Variants in GPATCH2 observed in about 807,000 individuals in gnomAD.
GPATCH2 encodes the protein G patch domain-containing protein 2.
In GPATCH2, 51 loss-of-function variants were observed where a neutral mutation model predicts 58.0. That is an observed-to-expected ratio of 0.88 (90% CI 0.70 to 1.11). The LOEUF is 1.11. GPATCH2 is among the 50% of genes most tolerant of loss of function. The pLI, the probability that GPATCH2 is intolerant of heterozygous loss-of-function variation, is 0.00. For missense variants in GPATCH2, 625 were observed against 652.2 expected (o/e 0.96, Z 0.45); for synonymous variants, 222 against 218.5 (o/e 1.02, Z -0.14).
intron 8 of GPATCH2, among the ~76,000 whole-genome samples, chr1:217,477,328 T>C (rs1444149331): frequency 1.3e-5 from 2 of 152,186 alleles, no homozygotes; most frequent in South Asian, 2.1e-4. Context: ...CTCTGTCTGC[T>C]TGAGAAAAGC....
intron 5 of GPATCH2, among the ~76,000 whole-genome samples, chr1:217,577,082 T>A (rs941429879): frequency 6.6e-6 from 1 of 152,142 alleles, no homozygotes; most frequent in Non-Finnish European, 1.5e-5. Flanking sequence ...CACATAAGAG[T>A]GCTATTTTAT....
At chr1:217,511,080 G>A (rs1022068509) in intron 6 of GPATCH2, among the ~76,000 whole-genome samples, 1 of 152,124 alleles carries the variant, frequency 6.6e-6, no homozygotes, top group Non-Finnish European at 1.5e-5. Context: ...CTGGGTGACA[G>A]AGTGAGAATC....
At chr1:217,606,839 CTAA>C (rs752666198) in intron 5 of GPATCH2, among the ~76,000 whole-genome samples, 1 of 152,120 alleles carries the variant, frequency 6.6e-6, no homozygotes, top group Non-Finnish European at 1.5e-5. Context: ...TTTAATATAT[CTAA>C]TAATAGTAAC....
At position 217,537,866 on chromosome 1, in the gene GPATCH2, CTTAT is replaced by C. The variant is rs550543801; in HGVS notation, c.1099-22981_1099-22978del. Among the ~76,000 whole-genome samples the C allele has an allele frequency of 1.1e-3, 163 of 152,196 alleles. 1 individual carries two copies. Among genetic ancestry groups the C allele is most frequent in the African/African-American group, 3.3e-3 (138 of 41,524 alleles). Reference sequence around the variant, plus strand: ...TTTTTTAATATTAAAAATTACAAAACTTATTTAAAGACAATAAGCAGATTATAAT... The same window carrying C: ...TTTTTTAATATTAAAAATTACAAAACTTAAAGACAATAAGCAGATTATAAT... On this transcript the variant is annotated intron_variant, in intron 5 of 9. Transcript: ENST00000366935.
chr1:217,556,038 T>C (rs1233511435), intron 5 of GPATCH2, among the ~76,000 whole-genome samples: 3 of 152,358 alleles, frequency 2.0e-5, no homozygotes, highest in South Asian at 2.1e-4. Flanking sequence ...GTTTGAGATA[T>C]GTAATGAATG....
chr1:217,541,952 GT>G (rs914175241), intron 5 of GPATCH2, among the ~76,000 whole-genome samples: 6 of 151,996 alleles, frequency 3.9e-5, no homozygotes, highest in African/African-American at 1.4e-4. Flanking sequence ...TTGAAGTAGA[GT>G]TTTTTTTATA....
At chr1:217,453,291 T>C (rs982562130) in intron 8 of GPATCH2, among the ~76,000 whole-genome samples, 1 of 152,146 alleles carries the variant, frequency 6.6e-6, no homozygotes, top group Non-Finnish European at 1.5e-5. Flanking sequence ...GATCCTTTTG[T>C]AAGGTGTATC....
chr1:217,544,290 A>G (rs1380499967), intron 5 of GPATCH2, among the ~76,000 whole-genome samples: 1 of 152,166 alleles, frequency 6.6e-6, no homozygotes, highest in Non-Finnish European at 1.5e-5. Context: ...GCTGTTGGGG[A>G]GGCTGAGGCA....
At chr1:217,511,374 G>A (rs113578831) in intron 6 of GPATCH2, among the ~76,000 whole-genome samples, 30 of 152,212 alleles carry the variant, frequency 2.0e-4, no homozygotes, top group African/African-American at 6.7e-4. Flanking sequence ...ATAATTTTCA[G>A]GAAAGACATC....
intron 5 of GPATCH2, among the ~76,000 whole-genome samples, chr1:217,591,165 T>C (rs536735580): frequency 2.0e-4 from 31 of 152,240 alleles, no homozygotes; most frequent in African/African-American, 6.7e-4. Flanking sequence ...ATAGCTAGGC[T>C]ATGTCAACAG....
At chr1:217,496,212 A>G (rs1308762669) in intron 7 of GPATCH2, among the ~76,000 whole-genome samples, 2 of 152,188 alleles carry the variant, frequency 1.3e-5, no homozygotes, top group Admixed American at 6.5e-5. Context: ...ATTCATTGTC[A>G]TTATTCAGAT....
At chr1:217,535,079 T>G (rs1023815735) in intron 5 of GPATCH2, among the ~76,000 whole-genome samples, 2 of 152,222 alleles carry the variant, frequency 1.3e-5, no homozygotes, top group Non-Finnish European at 2.9e-5. Flanking sequence ...GACCCAATAA[T>G]GCTAGTTCTT....
chr1:217,610,123 A>G (rs934342909), intron 5 of GPATCH2, 198 bp downstream of exon 5: 46 of 1,547,730 alleles, frequency 3.0e-5, no homozygotes, highest in Non-Finnish European at 3.5e-5. Context: ...CCAGATGTTC[A>G]AAACGTAACT....
intron 5 of GPATCH2, among the ~76,000 whole-genome samples, chr1:217,557,567 T>G (rs138206663): frequency 8.7e-4 from 133 of 152,356 alleles, no homozygotes; most frequent in African/African-American, 3.1e-3. Flanking sequence ...AGCACATTTC[T>G]GTATTAAACC....
chr1:217,520,223 C>T (rs546370633), intron 5 of GPATCH2, among the ~76,000 whole-genome samples: 1 of 152,084 alleles, frequency 6.6e-6, no homozygotes, highest in South Asian at 2.1e-4. Flanking sequence ...ACTACAAATC[C>T]TTACCTACCA....
intron 8 of GPATCH2, among the ~76,000 whole-genome samples, chr1:217,485,825 T>G (rs530554940): frequency 1.3e-5 from 2 of 152,198 alleles, no homozygotes; most frequent in Admixed American, 1.3e-4. Flanking sequence ...AAAGGTACAG[T>G]AAAAATATGG....
chr1:217,473,003 A>G (rs1182854222), intron 8 of GPATCH2, among the ~76,000 whole-genome samples: 1 of 152,128 alleles, frequency 6.6e-6, no homozygotes, highest in South Asian at 2.1e-4. Context: ...TGGATCCCTC[A>G]GCTGTGGTGC....
intron 5 of GPATCH2, among the ~76,000 whole-genome samples, chr1:217,538,650 G>C (rs868021085): frequency 6.6e-6 from 1 of 152,142 alleles, no homozygotes; most frequent in South Asian, 2.1e-4. Context: ...TCTCCATTCT[G>C]ACTGTGGCTT....
intron 6 of GPATCH2, among the ~76,000 whole-genome samples, chr1:217,500,783 A>G (rs1415641187): frequency 6.6e-6 from 1 of 151,986 alleles, no homozygotes; most frequent in African/African-American, 2.4e-5. Context: ...CCTAATAATT[A>G]AATGTCAGAT....
Sources: allele counts gnomAD v4.1 joint callset (sites outside exome capture counted in the v4.1 genomes callset), GRCh38; gene constraint gnomAD v4.1.1; transcripts MANE v1.5; gene names NCBI Gene and HGNC (gene_info 2026-07-23, HGNC 2026-07-21).